Variants in EVC2 observed in about 807,000 individuals in gnomAD.
The protein encoded by EVC2 is EvC ciliary complex subunit 2, also known as limbin.
EVC2 carries 148 observed loss-of-function variants against 149.3 expected under a neutral mutation model. The observed-to-expected ratio is 0.99, with a 90% CI of 0.87 to 1.14. The LOEUF is 1.14. Among genes scored for constraint, EVC2 ranks in the 50% most tolerant of loss-of-function variants. The pLI is 0.00. For synonymous variants in EVC2, 776 were observed against 649.9 expected (o/e 1.19, Z -2.95); for missense variants, 1,854 against 1,627.3 (o/e 1.14, Z -2.40).
Position 5,696,858 on chromosome 4 carries a change from G to A in EVC2, c.283+735C>T, listed in dbSNP as rs925973508. On this transcript the variant is annotated intron_variant, in intron 2 of 21. Coordinates refer to ENST00000344408, the MANE Select transcript of EVC2 (RefSeq NM_147127.5). The surrounding 1 kb of genome is among the most constrained non-coding windows in gnomAD (Gnocchi z 4.1). ...AAAGACAGCCAGGTCCTAACCCCAT[G>A]AAGCTGTGAATGTTATCTTAGGGTC... 4.6e-5 allele frequency among the ~76,000 whole-genome samples: 7 copies of A among 152,230 alleles called. No individual in the cohort carries two copies.
chr4:5,646,694 A>T (rs990311486), intron 9 of EVC2, among the ~76,000 whole-genome samples: 17 of 152,160 alleles, frequency 1.1e-4, no homozygotes, highest in African/African-American at 9.7e-5. Context: ...TTTGTTTATC[A>T]GCTTGTTTCG....
chr4:5,632,038 G>A lies in EVC2; in HGVS notation c.1471-6C>T, dbSNP rs115466792. On this transcript the variant is annotated splice_region_variant and splice_polypyrimidine_tract_variant and intron_variant, in intron 10 of 21. Coordinates refer to ENST00000344408, the MANE Select transcript of EVC2 (RefSeq NM_147127.5). ...TTGCTGCACTCTACAGCAGACTGGA[G>A]AGAGGAAAGGGAGAGCGTGAGAAAC... is the stretch of plus-strand genomic sequence containing the variant. 3.0e-4 allele frequency: 486 copies of A among 1,613,856 alleles called. 3 individuals carry two copies. The African/African-American group carries it at 5.9e-3, about 20-fold the overall frequency.
At chr4:5,542,042 G>C (rs1482068361), downstream of EVC2, among the ~76,000 whole-genome samples, 6 of 152,132 alleles carry the variant, frequency 3.9e-5, no homozygotes, top group Non-Finnish European at 7.4e-5. Context: ...GGCCTTATAA[G>C]AAGAAGCCAG....
intron 16 of EVC2, among the ~76,000 whole-genome samples, chr4:5,611,107 T>C (rs868777313): frequency 1.3e-5 from 2 of 152,160 alleles, no homozygotes; most frequent in African/African-American, 4.8e-5. Flanking sequence ...CCATCTGCCT[T>C]GGATCCCTTG....
chr4:5,568,617 C>T lies in EVC2; in HGVS notation c.3384G>A (p.Leu1128=). The T allele has an allele frequency of 6.2e-7, 1 of 1,608,954 alleles. No homozygotes were observed. Among genetic ancestry groups the T allele is most frequent in the Non-Finnish European group, 8.5e-7 (1 of 1,179,842 alleles). The part of the protein sequence containing the change: ...CSQELRLASY[L]ARMAMVPGAT... Reference sequence around the variant, plus strand: ...CCCCGGGCACCATGGCCATCCTCGCCAGGTACGATGCCAGTCTCAGCTCCT... The same window carrying T: ...CCCCGGGCACCATGGCCATCCTCGCTAGGTACGATGCCAGTCTCAGCTCCT... The change falls in exon 20 of 22, where the codon CTG becomes CTA. Residue 1128 remains leucine (L), a synonymous_variant. Coordinates refer to ENST00000344408, the MANE Select transcript of EVC2 (RefSeq NM_147127.5).
intron 1 of EVC2, among the ~76,000 whole-genome samples, chr4:5,700,398 C>T (rs781398674): frequency 1.1e-4 from 16 of 152,148 alleles, no homozygotes; most frequent in Non-Finnish European, 2.2e-4. Context: ...AACCTCTGTC[C>T]CCTGGAACTT....
chr4:5,658,109 T>A (rs191523710), intron 9 of EVC2, among the ~76,000 whole-genome samples: 25 of 152,310 alleles, frequency 1.6e-4, no homozygotes, highest in Admixed American at 1.6e-3. Context: ...TTGTGTTTGC[T>A]TGTATACTCT....
Position 5,618,394 on chromosome 4 carries a change from C to A in EVC2, c.2706+84G>T. ...GAGCATGAGGTGAGATGGGCTCAGG[C>A]TGGGGAAGAGGCCAGACCCTGTAGG... On this transcript the variant is annotated intron_variant, in intron 15 of 21. Transcript: ENST00000344408. The surrounding 1 kb of genome is among the most constrained non-coding windows in gnomAD (Gnocchi z 4.4). 1 of 1,513,044 alleles carries A rather than the reference C, an allele frequency of 6.6e-7. No individual in the cohort carries two copies. The highest frequency in any genetic ancestry group is 1.1e-5 in the South Asian group (1 of 87,106). 93.7% of individuals were successfully genotyped at this position (1,513,044 alleles called of 1,614,324 possible).
At chr4:5,531,604 A>G in the EVC2 span, among the ~76,000 whole-genome samples, 2 of 151,750 alleles carry the variant, frequency 1.3e-5, no homozygotes, top group Non-Finnish European at 2.9e-5. Context: ...AGGAGCACAA[A>G]CCCTACTGTG....
At position 5,550,817 on chromosome 4, in the gene EVC2, T is replaced by C. The variant is rs146251092; in HGVS notation, c.3420-7605A>G. Reference sequence around the variant, plus strand: ...CCTGGCCCACGGTCCCCATGCTGTGTGCAGCCTAGGGACTTGGTGCCCTGC... The same window carrying C: ...CCTGGCCCACGGTCCCCATGCTGTGCGCAGCCTAGGGACTTGGTGCCCTGC... On this transcript the variant is annotated intron_variant and NMD_transcript_variant, in intron 21 of 22. Transcript: ENST00000475313. Among the ~76,000 whole-genome samples, 759 of 152,352 alleles carry C rather than the reference T, an allele frequency of 5.0e-3. 10 individuals carry two copies. The highest frequency in any genetic ancestry group is 0.017 in the African/African-American group (715 of 41,582).
At chr4:5,606,616 T>A (rs1390844944) in intron 16 of EVC2, among the ~76,000 whole-genome samples, 4 of 151,832 alleles carry the variant, frequency 2.6e-5, no homozygotes, top group African/African-American at 9.7e-5. Flanking sequence ...CAGCATCCAA[T>A]CTAAAATTAC....
intron 2 of EVC2, among the ~76,000 whole-genome samples, chr4:5,695,910 G>A (rs1721445635): frequency 1.3e-5 from 2 of 152,124 alleles, no homozygotes; most frequent in Admixed American, 6.5e-5. Flanking sequence ...TGTGGAGCTG[G>A]GTCCTGGATT....
chr4:5,529,815 GTTTT>G, the EVC2 span, among the ~76,000 whole-genome samples: 8 of 132,056 alleles, frequency 6.1e-5, no homozygotes, highest in Non-Finnish European at 8.1e-5. The surrounding 1 kb of genome is among the most constrained non-coding windows in gnomAD (Gnocchi z 4.5). Flanking sequence ...AGTTATTTAG[GTTTT>G]TTTTTTTTTT....
chr4:5,543,828 G>A (rs190898697), intron 21 of EVC2, among the ~76,000 whole-genome samples: 2 of 152,288 alleles, frequency 1.3e-5, no homozygotes, highest in Admixed American at 1.3e-4. Context: ...ATCTGGGCAG[G>A]ACACTCTCAC....
At chr4:5,599,933 T>C (rs1273027752) in intron 16 of EVC2, among the ~76,000 whole-genome samples, 1 of 152,228 alleles carries the variant, frequency 6.6e-6, no homozygotes, top group Non-Finnish European at 1.5e-5. Context: ...AATACTATTT[T>C]GCTAAATAAG....
chr4:5,550,241 C>T (rs761279537), intron 21 of EVC2, among the ~76,000 whole-genome samples: 1 of 152,202 alleles, frequency 6.6e-6, no homozygotes, highest in African/African-American at 2.4e-5. Flanking sequence ...CAGAAGAAGA[C>T]AGGAAAATGT....
intron 7 of EVC2, among the ~76,000 whole-genome samples, chr4:5,672,731 C>T (rs1719728868): frequency 6.6e-6 from 1 of 152,208 alleles, no homozygotes; most frequent in African/African-American, 2.4e-5. Flanking sequence ...CGAATGCTCA[C>T]AGCAGCACTG....
chr4:5,538,063 GAA>G (rs34937866), downstream of EVC2, among the ~76,000 whole-genome samples: 23 of 112,328 alleles, frequency 2.0e-4, no homozygotes, highest in East Asian at 2.9e-3. Context: ...GAAAGAAATA[GAA>G]AAAAAAAAAA....
chr4:5,575,953 A>C (rs1284994912), intron 18 of EVC2, among the ~76,000 whole-genome samples: 1 of 152,054 alleles, frequency 6.6e-6, no homozygotes, highest in Non-Finnish European at 1.5e-5. Context: ...GGTACATGGC[A>C]CTCTCCCTAC....
Sources: gnomAD v4.1 joint callset for allele counts (sites outside exome capture counted in the v4.1 genomes callset) on GRCh38, gnomAD v4.1.1 for gene constraint, Gnocchi (gnomAD v3.1) non-coding constraint, MANE v1.5 for transcripts, NCBI Gene and HGNC (gene_info 2026-07-23, HGNC 2026-07-21) for gene names.